Variants in SCFD2 observed in about 807,000 individuals in gnomAD.
SCFD2 encodes the protein sec1 family domain containing 2.
SCFD2 carries 54 observed loss-of-function variants against 58.9 expected under a neutral mutation model. The ratio of observed to expected loss-of-function variants is 0.92; its 90% CI spans 0.74 to 1.15. The LOEUF (loss-of-function observed/expected upper bound fraction) is 1.15. Among genes scored for constraint, SCFD2 ranks in the 50% most tolerant of loss-of-function variants. SCFD2 has a pLI of 0.00. For synonymous variants in SCFD2, 321 were observed against 335.9 expected (o/e 0.96, Z 0.49); for missense variants, 805 against 836.6 (o/e 0.96, Z 0.47).
intron 4 of SCFD2, among the ~76,000 whole-genome samples, chr4:53,242,825 T>G (rs570985154): frequency 2.0e-5 from 3 of 152,096 alleles, no homozygotes; most frequent in Non-Finnish European, 4.4e-5. Context: ...TACAAGAATT[T>G]CAAAATGTAA....
chr4:53,107,256 T>C (rs1208614698), intron 5 of SCFD2, among the ~76,000 whole-genome samples: 1 of 152,144 alleles, frequency 6.6e-6, no homozygotes, highest in Non-Finnish European at 1.5e-5. Context: ...AAACCGGTAC[T>C]ATCCACTGCA....
At chr4:53,224,489 T>C (rs1052650200) in intron 4 of SCFD2, among the ~76,000 whole-genome samples, 1 of 152,152 alleles carries the variant, frequency 6.6e-6, no homozygotes, top group African/African-American at 2.4e-5. Context: ...TACCCTGAGA[T>C]TGCCATGATG....
chr4:53,064,436 G>A (rs1412274827), intron 5 of SCFD2, among the ~76,000 whole-genome samples: 1 of 91,346 alleles, frequency 1.1e-5, no homozygotes, highest in Non-Finnish European at 2.2e-5. Flanking sequence ...GAAATGGAAG[G>A]GTGGAGACTT....
At chr4:53,115,319 T>A (rs1725289784) in intron 5 of SCFD2, among the ~76,000 whole-genome samples, 1 of 152,064 alleles carries the variant, frequency 6.6e-6, no homozygotes, top group African/African-American at 2.4e-5. Flanking sequence ...ATGATAAGAT[T>A]AACCCAAAGA....
At chr4:53,214,670 G>C (rs183006899) in intron 4 of SCFD2, among the ~76,000 whole-genome samples, 164 of 152,212 alleles carry the variant, frequency 1.1e-3, no homozygotes, top group Middle Eastern at 3.4e-3. Context: ...GATCCCATTT[G>C]TCAATTTTGG....
intron 5 of SCFD2, among the ~76,000 whole-genome samples, chr4:53,025,928 G>T (rs556344478): frequency 7.0e-6 from 1 of 142,018 alleles, no homozygotes; most frequent in Admixed American, 7.4e-5. Flanking sequence ...AAAGTTTCAA[G>T]AAATCTTTTT....
chr4:53,334,235 G>A (rs1733599289), intron 2 of SCFD2, among the ~76,000 whole-genome samples: 1 of 151,696 alleles, frequency 6.6e-6, no homozygotes, highest in Non-Finnish European at 1.5e-5. Context: ...ATTTGACCCA[G>A]CCATCCCATT....
At chr4:53,157,273 C>CA (rs1232477325) in intron 4 of SCFD2, among the ~76,000 whole-genome samples, 1 of 151,630 alleles carries the variant, frequency 6.6e-6, no homozygotes, top group Non-Finnish European at 1.5e-5. Context: ...AAGATCCATC[C>CA]AAAATACAAG....
intron 4 of SCFD2, among the ~76,000 whole-genome samples, chr4:53,237,965 C>A (rs1379069827): frequency 4.0e-5 from 5 of 126,036 alleles, no homozygotes; most frequent in African/African-American, 1.2e-4. Context: ...CTGACCCCCC[C>A]ACCTCCCTCC....
intron 3 of SCFD2, among the ~76,000 whole-genome samples, chr4:53,295,018 A>G (rs1164161818): frequency 6.6e-6 from 1 of 152,214 alleles, no homozygotes; most frequent in Non-Finnish European, 1.5e-5. Context: ...TGGTACCAGT[A>G]CCGTGCTGTT....
chr4:53,065,564 TTC>T (rs1723640217), intron 5 of SCFD2, among the ~76,000 whole-genome samples: 1 of 152,132 alleles, frequency 6.6e-6, no homozygotes, highest in Non-Finnish European at 1.5e-5. Context: ...TTAATTGTTA[TTC>T]TGTTTTAATA....
chr4:53,135,203 T>C (rs1053388295), intron 5 of SCFD2, among the ~76,000 whole-genome samples: 12 of 152,180 alleles, frequency 7.9e-5, no homozygotes, highest in African/African-American at 2.9e-4. Flanking sequence ...TTTCTAGAGT[T>C]AGAAATTCAA....
intron 4 of SCFD2, among the ~76,000 whole-genome samples, chr4:53,164,804 AAAGAAGAAGAAG>A (rs568186119): frequency 1.4e-5 from 2 of 143,892 alleles, no homozygotes; most frequent in African/African-American, 2.7e-5. Context: ...AAAAAAAAAA[AAAGAAGAAGAAG>A]AAGAAGAAGA....
At chr4:53,333,557 C>T (rs1273701885) in intron 2 of SCFD2, among the ~76,000 whole-genome samples, 1 of 151,596 alleles carries the variant, frequency 6.6e-6, no homozygotes, top group African/African-American at 2.4e-5. Context: ...ATGTAGAAAG[C>T]TGAAACTGGA....
intron 4 of SCFD2, among the ~76,000 whole-genome samples, chr4:53,154,361 G>C (rs1223961928): frequency 6.6e-6 from 1 of 152,164 alleles, no homozygotes; most frequent in African/African-American, 2.4e-5. Flanking sequence ...TGGTGAAAGA[G>C]AATGGAGGTC....
At chr4:53,250,821 C>T (rs924099443) in intron 4 of SCFD2, among the ~76,000 whole-genome samples, 34 of 152,242 alleles carry the variant, frequency 2.2e-4, no homozygotes, top group Non-Finnish European at 4.0e-4. Flanking sequence ...ACCCTAACAT[C>T]ACAATTAAAA....
intron 5 of SCFD2, among the ~76,000 whole-genome samples, chr4:53,084,276 T>G (rs554072161): frequency 6.6e-6 from 1 of 152,256 alleles, no homozygotes; most frequent in South Asian, 2.1e-4. Context: ...GGAAAAGAAT[T>G]TAGCGATATC....
intron 4 of SCFD2, among the ~76,000 whole-genome samples, chr4:53,262,428 G>A (rs1421311480): frequency 6.6e-6 from 1 of 152,156 alleles, no homozygotes; most frequent in Non-Finnish European, 1.5e-5. Flanking sequence ...CCTTTCAGCA[G>A]TCTTGTAGTG....
intron 5 of SCFD2, among the ~76,000 whole-genome samples, chr4:53,137,909 C>A (rs1577764447): frequency 6.6e-6 from 1 of 152,152 alleles, no homozygotes; most frequent in African/African-American, 2.4e-5. Context: ...CAGAGGTGTG[C>A]CAAGCTGCTG....
Sources: allele counts gnomAD v4.1 joint callset (sites outside exome capture counted in the v4.1 genomes callset), GRCh38; gene constraint gnomAD v4.1.1; transcripts MANE v1.5; gene names NCBI Gene and HGNC (gene_info 2026-07-23, HGNC 2026-07-21).